Variants in CNTN5 observed in about 807,000 individuals in gnomAD.
CNTN5 encodes contactin-5.
Under a neutral mutation model 129.1 loss-of-function variants are expected in CNTN5, and 77 were observed. The ratio of observed to expected loss-of-function variants is 0.60; its 90% confidence interval spans 0.50 to 0.72. CNTN5 has a LOEUF of 0.72. CNTN5 is among the 30% of genes least tolerant of loss of function. The pLI, the probability that CNTN5 is intolerant of heterozygous loss-of-function variation, is 0.00. For synonymous variants in CNTN5, 509 were observed against 465.6 expected (o/e 1.09, Z -1.20); for missense variants, 1,478 against 1,328.8 (o/e 1.11, Z -1.75).
intron 1 of CNTN5, among the ~76,000 whole-genome samples, chr11:99,310,975 A>ATGGTGG (rs1381935947): frequency 1.3e-5 from 2 of 151,642 alleles, no homozygotes; most frequent in African/African-American, 4.8e-5. Context: ...TTTGTCACCC[A>ATGGTGG]TGCCGGAATG....
At chr11:99,726,967 A>AGACT (rs1175212846) in intron 3 of CNTN5, among the ~76,000 whole-genome samples, 1 of 152,176 alleles carries the variant, frequency 6.6e-6, no homozygotes, top group Non-Finnish European at 1.5e-5. Flanking sequence ...ATCTTAGTCT[A>AGACT]GTTTTTGTTC....
At chr11:99,081,030 C>G (rs17132930) in intron 1 of CNTN5, among the ~76,000 whole-genome samples, 4,786 of 138,264 alleles carry the variant, frequency 0.035, 157 homozygotes, top group African/African-American at 0.087. Context: ...TGTCAGGAAG[C>G]TATGGAGTAT....
intron 8 of CNTN5, among the ~76,000 whole-genome samples, 189 bp downstream of exon 8, chr11:99,957,198 T>G (rs1262742785): frequency 5.9e-5 from 9 of 152,132 alleles, no homozygotes; most frequent in Admixed American, 3.9e-4. Context: ...CATAAGAAAT[T>G]GATGATCCAT....
chr11:99,431,876 C>T (rs143430960), intron 2 of CNTN5, among the ~76,000 whole-genome samples: 349 of 152,150 alleles, frequency 2.3e-3, no homozygotes, highest in Non-Finnish European at 3.8e-3. Flanking sequence ...GGTCACTTTA[C>T]TCAATCCACA....
At chr11:100,175,973 G>GA (rs1470764184) in intron 13 of CNTN5, among the ~76,000 whole-genome samples, 12 of 151,938 alleles carry the variant, frequency 7.9e-5, no homozygotes, top group Non-Finnish European at 1.0e-4. Context: ...CTTTTTGCTA[G>GA]AAAAATGTAA....
chr11:100,054,435 C>A (rs7946600), intron 9 of CNTN5, among the ~76,000 whole-genome samples: 1 of 151,608 alleles, frequency 6.6e-6, no homozygotes, highest in African/African-American at 2.4e-5. Context: ...GAGCTCATGT[C>A]TTTCTTCTAA....
intron 6 of CNTN5, among the ~76,000 whole-genome samples, chr11:99,870,349 C>T (rs765766821): frequency 6.6e-6 from 1 of 152,058 alleles, no homozygotes; most frequent in Non-Finnish European, 1.5e-5. Flanking sequence ...ACTCCTTACA[C>T]GTTCCAACCC....
chr11:100,134,328 A>G (rs921645371), intron 13 of CNTN5, among the ~76,000 whole-genome samples: 11 of 152,138 alleles, frequency 7.2e-5, no homozygotes, highest in African/African-American at 2.4e-4. Context: ...TTCCCCTGAA[A>G]GGGTGGTATT....
chr11:100,057,991 T>A (rs1363018), intron 9 of CNTN5, among the ~76,000 whole-genome samples: 83,040 of 151,752 alleles, frequency 0.55, 23,488 homozygotes, highest in East Asian at 0.75. Context: ...AATGTTAAGT[T>A]ACTTGTAGTT....
chr11:100,055,950 GCCCATATT>G (rs1943204026), intron 9 of CNTN5, among the ~76,000 whole-genome samples: 1 of 151,218 alleles, frequency 6.6e-6, no homozygotes, highest in Non-Finnish European at 1.5e-5. Context: ...ACTAACTGAT[GCCCATATT>G]TATGTATTTT....
intron 16 of CNTN5, among the ~76,000 whole-genome samples, chr11:100,242,596 G>A (rs919952325): frequency 3.3e-5 from 5 of 152,118 alleles, no homozygotes; most frequent in Admixed American, 6.6e-5. Context: ...TGATGGCGGT[G>A]CTGCTACACA....
chr11:99,975,380 G>A lies in CNTN5; in HGVS notation c.877+18371G>A, dbSNP rs1273212590. Among the ~76,000 whole-genome samples, 4 of 152,124 alleles carry A rather than the reference G, an allele frequency of 2.6e-5. No individual in the cohort carries two copies. In the East Asian group the frequency reaches 5.8e-4, roughly 22 times the overall value. ...CCAATTTCTCCCTTTTGGAAAGGGA[G>A]CATTTACCCAGTGCCTGTACCCATA... On this transcript the variant is annotated intron_variant, in intron 8 of 24. Transcript: ENST00000524871.
chr11:99,298,865 C>G (rs78387474), intron 1 of CNTN5, among the ~76,000 whole-genome samples: 1 of 151,876 alleles, frequency 6.6e-6, no homozygotes, highest in Non-Finnish European at 1.5e-5. Context: ...AGGTAACTTC[C>G]CCTCCAACCA....
At chr11:99,991,897 G>T (rs1939126378) in intron 8 of CNTN5, among the ~76,000 whole-genome samples, 1 of 152,082 alleles carries the variant, frequency 6.6e-6, no homozygotes, top group Non-Finnish European at 1.5e-5. Flanking sequence ...GCCAAGGTTG[G>T]GTCAGGTGTC....
At chr11:100,020,590 C>G (rs1450630646) in intron 9 of CNTN5, among the ~76,000 whole-genome samples, 1 of 152,048 alleles carries the variant, frequency 6.6e-6, no homozygotes, top group African/African-American at 2.4e-5. Flanking sequence ...TCTTTTTGCT[C>G]AAGCTTGCAT....
intron 2 of CNTN5, among the ~76,000 whole-genome samples, chr11:99,471,428 T>C (rs150443375): frequency 6.6e-6 from 1 of 152,236 alleles, no homozygotes; most frequent in East Asian, 1.9e-4. Flanking sequence ...ATACTACCTG[T>C]CCTTAAGGTT....
intron 2 of CNTN5, among the ~76,000 whole-genome samples, chr11:99,352,422 A>C (rs1938361601): frequency 6.6e-6 from 1 of 152,112 alleles, no homozygotes; most frequent in South Asian, 2.1e-4. Context: ...TATTTTTCTG[A>C]CTTGGCTCTT....
rs1040065893 is a variant in CNTN5, at chr11:99,731,874, G to A, written c.56-87670G>A. ...TGTTGTTAAGTATAGCACAAGGCTA[G>A]CCCAGATTCAAAGGAGAAAAACTCC... On this transcript the variant is annotated intron_variant, in intron 3 of 24. Coordinates refer to ENST00000524871, the MANE Select transcript of CNTN5 (RefSeq NM_014361.4). 2.0e-5 allele frequency among the ~76,000 whole-genome samples: 3 copies of A among 152,174 alleles called. No homozygotes were observed. In the South Asian group the frequency reaches 6.2e-4, roughly 31 times the overall value.
intron 2 of CNTN5, among the ~76,000 whole-genome samples, chr11:99,408,367 CAAAAA>C (rs765731039): frequency 1.6e-4 from 11 of 67,266 alleles, no homozygotes; most frequent in African/African-American, 1.9e-4. Context: ...ACCAGGCTAC[CAAAAA>C]AAAAAAAAAA....
Sources: allele counts gnomAD v4.1 joint callset (sites outside exome capture counted in the v4.1 genomes callset), GRCh38; gene constraint gnomAD v4.1.1; transcripts MANE v1.5; gene names NCBI Gene and HGNC (gene_info 2026-07-23, HGNC 2026-07-21).